The following TASP1 variants were observed in gnomAD, a reference collection of about 807,000 sequenced individuals.
TASP1 encodes the protein taspase 1, also known as threonine aspartase 1.
Under a neutral mutation model 56.6 loss-of-function variants are expected in TASP1, and 16 were observed. The observed-to-expected ratio is 0.28, with a 90% CI of 0.19 to 0.43. The LOEUF (loss-of-function observed/expected upper bound fraction) is 0.43, where lower values mean the gene tolerates loss of function less well. Ranked by LOEUF, TASP1 falls within the 20% of genes least tolerant of loss-of-function variation. The pLI is 1.00. For missense variants in TASP1, 393 were observed against 511.6 expected, an observed-to-expected ratio of 0.77 and a Z score of 2.24; for synonymous variants, 179 against 184.2, an observed-to-expected ratio of 0.97 and a Z score of 0.23.
chr20:13,476,923 C>A lies in TASP1; in HGVS notation c.985+6304G>T, dbSNP rs573873530. On this transcript the variant is annotated intron_variant, in intron 11 of 13. Transcript: ENST00000337743. ...GAATCCCTCAAGCTCCAGATGGCTA[C>A]AAAGAAAAAAGATTTTAGTGTTTGA... 3.8e-3 allele frequency among the ~76,000 whole-genome samples: 569 copies of A among 151,600 alleles called. 1 individual carries two copies. The highest frequency in any genetic ancestry group is 6.4e-3 in the Non-Finnish European group (434 of 67,872).
intron 12 of TASP1, among the ~76,000 whole-genome samples, chr20:13,418,694 GA>G (rs1471191490): frequency 1.3e-5 from 2 of 152,188 alleles, no homozygotes; most frequent in Non-Finnish European, 2.9e-5. Flanking sequence ...GTTCACTGTG[GA>G]AACACTTGAT....
At position 13,540,602 on chromosome 20, in the gene TASP1, C is replaced by A. The variant is rs73899343; in HGVS notation, c.676-6461G>T. On this transcript the variant is annotated intron_variant, in intron 8 of 13. Transcript: ENST00000337743. ...ATATGTAACAATATGAATAATCTTT[C>A]AGACATATGCTGAGCAAAAGAAGCT... is the stretch of plus-strand genomic sequence containing the variant. Among the ~76,000 whole-genome samples the A allele has an allele frequency of 8.7e-3, 1,328 of 152,254 alleles. 21 individuals carry two copies. Among genetic ancestry groups the A allele is most frequent in the African/African-American group, 0.03 (1,238 of 41,550 alleles).
chr20:13,211,973 C>A, the TASP1 span, among the ~76,000 whole-genome samples: 3 of 152,088 alleles, frequency 2.0e-5, no homozygotes, highest in East Asian at 1.9e-4. Flanking sequence ...AAATTGCTGA[C>A]CCTCACTCTA....
At chr20:13,376,047 T>C in the TASP1 span, among the ~76,000 whole-genome samples, 1 of 152,188 alleles carries the variant, frequency 6.6e-6, no homozygotes, top group Non-Finnish European at 1.5e-5. Context: ...CTGATGATCA[T>C]TTATTTTGCT....
chr20:13,609,076 C>G (rs747335441), intron 4 of TASP1, among the ~76,000 whole-genome samples: 3 of 152,064 alleles, frequency 2.0e-5, no homozygotes, highest in Non-Finnish European at 4.4e-5. Context: ...ATATAAAGAG[C>G]TCCAAATTTC....
intron 11 of TASP1, among the ~76,000 whole-genome samples, chr20:13,458,331 TTTG>T (rs1250375831): frequency 6.6e-6 from 1 of 152,040 alleles, no homozygotes; most frequent in Non-Finnish European, 1.5e-5. Context: ...TTCCACAGTT[TTTG>T]TTGTTGTTGT....
intron 8 of TASP1, among the ~76,000 whole-genome samples, chr20:13,534,564 TAC>T (rs2146900487): frequency 6.6e-6 from 1 of 152,324 alleles, no homozygotes; most frequent in East Asian, 1.9e-4. Context: ...AAGTATTATA[TAC>T]AAACATCTAA....
At chr20:13,339,660 A>G in the TASP1 span, among the ~76,000 whole-genome samples, 38 of 152,264 alleles carry the variant, frequency 2.5e-4, no homozygotes, top group African/African-American at 8.4e-4. Context: ...AGTGATCTGC[A>G]TAGGATATGA....
intron 13 of TASP1, among the ~76,000 whole-genome samples, chr20:13,402,408 G>C (rs1600686860): frequency 6.6e-6 from 1 of 152,172 alleles, no homozygotes; most frequent in Non-Finnish European, 1.5e-5. Flanking sequence ...GCAGCCCTAA[G>C]AGCATGAAAA....
chr20:13,388,501 T>C (rs1445989265), downstream of TASP1, among the ~76,000 whole-genome samples: 5 of 152,054 alleles, frequency 3.3e-5, no homozygotes, highest in Non-Finnish European at 5.9e-5. Context: ...ATAAAAGGGG[T>C]CCTTAACAAG....
the TASP1 span, among the ~76,000 whole-genome samples, chr20:13,277,986 T>C: frequency 6.6e-6 from 1 of 152,208 alleles, no homozygotes; most frequent in Admixed American, 6.5e-5. Context: ...GGGCACGCCC[T>C]GGTGCAATTT....
intron 13 of TASP1, among the ~76,000 whole-genome samples, chr20:13,391,076 C>T (rs2041255395): frequency 6.6e-6 from 1 of 152,158 alleles, no homozygotes; most frequent in Admixed American, 6.5e-5. Context: ...CTCTCAGTTT[C>T]CTAGCAGCAG....
intron 2 of TASP1, among the ~76,000 whole-genome samples, chr20:13,627,612 A>G (rs1284173632): frequency 1.3e-5 from 2 of 151,794 alleles, no homozygotes; most frequent in Non-Finnish European, 2.9e-5. Flanking sequence ...TTAGCCGGGC[A>G]TGGTGGCACG....
At chr20:13,538,519 C>T (rs1054353531) in intron 8 of TASP1, among the ~76,000 whole-genome samples, 1 of 152,156 alleles carries the variant, frequency 6.6e-6, no homozygotes, top group African/African-American at 2.4e-5. Flanking sequence ...GGTTTGAGAG[C>T]AGCATTATAA....
rs147211474 is a variant in TASP1 at position 13,617,289 on chromosome 20, A to G, written c.282+6157T>C. ...GTAAAGAAAAAAAACAGGAAAAAAG[A>G]GCACCTAAGGTCAAAACTCAAATTT... On this transcript the variant is annotated intron_variant, in intron 4 of 13. Transcript: ENST00000337743. Among the ~76,000 whole-genome samples the G allele has an allele frequency of 3.1e-3, 471 of 152,356 alleles. 1 individual carries two copies. The highest frequency in any genetic ancestry group is 4.9e-3 in the Non-Finnish European group (331 of 68,038).
chr20:13,617,141 A>G, intron 4 of TASP1: 1 of 445,832 alleles, frequency 2.2e-6, no homozygotes, highest in Non-Finnish European at 4.5e-6. Context: ...AATAAAACAA[A>G]AAATGCAGAG....
chr20:13,149,062 C>T, the TASP1 span, among the ~76,000 whole-genome samples: 131 of 152,298 alleles, frequency 8.6e-4, 1 homozygote, highest in African/African-American at 3.0e-3. Context: ...AACTCCAAAG[C>T]CTATTCCTTT....
At chr20:13,253,080 G>A in the TASP1 span, among the ~76,000 whole-genome samples, 1 of 152,220 alleles carries the variant, frequency 6.6e-6, no homozygotes, top group African/African-American at 2.4e-5. Flanking sequence ...GGAGAAATCA[G>A]TTGGAGGCCT....
intron 4 of TASP1, among the ~76,000 whole-genome samples, chr20:13,588,429 C>A (rs1022783666): frequency 2.6e-5 from 4 of 151,674 alleles, no homozygotes; most frequent in African/African-American, 9.7e-5. Context: ...GTAGAAAATC[C>A]TAAAGAATCC....
Sources: allele counts gnomAD v4.1 joint callset (sites outside exome capture counted in the v4.1 genomes callset), GRCh38; gene constraint gnomAD v4.1.1; transcripts MANE v1.5; gene names NCBI Gene and HGNC (gene_info 2026-07-23, HGNC 2026-07-21).